ENOX1: variants seen among roughly 807,000 people sequenced by gnomAD.
ENOX1 encodes the protein ecto-NOX disulfide-thiol exchanger 1.
ENOX1 carries 42 observed loss-of-function variants against 82.5 expected under a neutral mutation model. The ratio of observed to expected loss-of-function variants is 0.51; its 90% CI spans 0.40 to 0.66. The LOEUF (loss-of-function observed/expected upper bound fraction) is 0.66. Among genes scored for constraint, ENOX1 ranks in the 30% least tolerant of loss-of-function variants. ENOX1 has a pLI of 0.00. For missense variants in ENOX1, 608 were observed against 811.6 expected (o/e 0.75, Z 3.05); for synonymous variants, 271 against 282.2 (o/e 0.96, Z 0.40).
rs1566737571 is a variant in ENOX1, at chr13:43,667,790, CA to C, written c.-284-247del. Among the ~76,000 whole-genome samples, 3 of 152,158 alleles carry C rather than the reference CA, an allele frequency of 2.0e-5. No individual in the cohort carries two copies. The South Asian group carries it at 6.2e-4, about 32-fold the overall frequency. ...CAAAGCCTCCGAACTGTCAATCTTT[CA>C]AAGAGTATTTCTGCTTTAAAAGTAG... On this transcript the variant is annotated intron_variant, in intron 1 of 16. Transcript: ENST00000690772.
chr13:43,718,544 A>G (rs1160463222), intron 1 of ENOX1, among the ~76,000 whole-genome samples: 5 of 151,956 alleles, frequency 3.3e-5, no homozygotes. Flanking sequence ...TAAAAATTGA[A>G]ATTATTTAAA....
chr13:43,680,305 TCAA>T (rs1436583817), intron 1 of ENOX1, among the ~76,000 whole-genome samples: 1 of 152,170 alleles, frequency 6.6e-6, no homozygotes, highest in East Asian at 1.9e-4. Flanking sequence ...CAAATATTTT[TCAA>T]CAAGTACCTT....
At chr13:43,223,453 G>C (rs972584455) in intron 16 of ENOX1, among the ~76,000 whole-genome samples, 1 of 152,166 alleles carries the variant, frequency 6.6e-6, no homozygotes, top group Non-Finnish European at 1.5e-5. Flanking sequence ...ACTGCGGTGG[G>C]GTAGGAGTAC....
chr13:43,236,721 T>C lies in ENOX1; in HGVS notation c.1629A>G (p.Thr543=). ...HEDSNEINVL[T]VALVNQDREN... ...CTCGGTCTTGGTTGACTAATGCAAC[T>C]GTCAACACATTGATTTCCTATAAAG... Residue 543 remains threonine, a synonymous_variant, in exon 15 of 17, where the codon ACA becomes ACG. Transcript: ENST00000690772. 1 of 1,578,004 alleles carries C rather than the reference T, an allele frequency of 6.3e-7. No individual in the cohort carries two copies. The highest frequency in any genetic ancestry group is 8.5e-7 in the Non-Finnish European group (1 of 1,169,780).
At chr13:43,278,492 T>C (rs1246889139) in intron 12 of ENOX1, among the ~76,000 whole-genome samples, 1 of 152,264 alleles carries the variant, frequency 6.6e-6, no homozygotes, top group African/African-American at 2.4e-5. Context: ...AGAATTTTTA[T>C]GTTTAAAATT....
At chr13:43,306,509 G>A (rs2046873064) in intron 11 of ENOX1, among the ~76,000 whole-genome samples, 1 of 152,126 alleles carries the variant, frequency 6.6e-6, no homozygotes, top group Admixed American at 6.5e-5. Flanking sequence ...TGGCTTTCAG[G>A]AATTGTACCC....
intron 15 of ENOX1, among the ~76,000 whole-genome samples, chr13:43,232,687 C>T (rs995149583): frequency 2.6e-5 from 4 of 152,124 alleles, no homozygotes; most frequent in Non-Finnish European, 5.9e-5. Context: ...TTTGCCCAAT[C>T]ATTGTCAACC....
intron 2 of ENOX1, among the ~76,000 whole-genome samples, chr13:43,497,083 CT>C (rs1230427435): frequency 6.6e-6 from 1 of 152,104 alleles, no homozygotes; most frequent in Non-Finnish European, 1.5e-5. Context: ...AGAAATAGCA[CT>C]GATACTTTAC....
intron 2 of ENOX1, among the ~76,000 whole-genome samples, chr13:43,536,127 C>A (rs1401604323): frequency 1.3e-5 from 2 of 152,090 alleles, no homozygotes; most frequent in South Asian, 2.1e-4. Context: ...GGATTAAACC[C>A]AAATGATTAT....
chr13:43,417,335 A>C (rs2054685203), intron 3 of ENOX1, among the ~76,000 whole-genome samples: 1 of 152,160 alleles, frequency 6.6e-6, no homozygotes, highest in Non-Finnish European at 1.5e-5. Flanking sequence ...TGGTGATTCT[A>C]AAGTAAGCTC....
chr13:43,744,138 A>C (rs1481157146), intron 1 of ENOX1, among the ~76,000 whole-genome samples: 2 of 152,154 alleles, frequency 1.3e-5, no homozygotes, highest in Admixed American at 1.3e-4. Context: ...CACTCTCTCT[A>C]TCCTAGAAAC....
At chr13:43,273,225 T>C (rs1292487836) in intron 12 of ENOX1, among the ~76,000 whole-genome samples, 2 of 152,168 alleles carry the variant, frequency 1.3e-5, no homozygotes, top group Non-Finnish European at 2.9e-5. Flanking sequence ...TTTCATCACC[T>C]TCACAACCTC....
intron 5 of ENOX1, among the ~76,000 whole-genome samples, chr13:43,395,055 C>T (rs1039651205): frequency 1.3e-5 from 2 of 152,156 alleles, no homozygotes; most frequent in Non-Finnish European, 2.9e-5. Flanking sequence ...ATGGGAATAG[C>T]GTGACACATT....
At chr13:43,699,714 T>C (rs2153808116) in intron 1 of ENOX1, among the ~76,000 whole-genome samples, 1 of 152,360 alleles carries the variant, frequency 6.6e-6, no homozygotes, top group South Asian at 2.1e-4. Flanking sequence ...TGGTTAATAC[T>C]TGTGCAGAGA....
intron 5 of ENOX1, among the ~76,000 whole-genome samples, chr13:43,398,328 A>G (rs1263369805): frequency 6.6e-6 from 1 of 152,274 alleles, no homozygotes; most frequent in South Asian, 2.1e-4. Context: ...AGCATCAGAC[A>G]AGCTTCCCTA....
Position 43,688,942 on chromosome 13 carries a change from C to G in ENOX1, c.-284-21398G>C, listed in dbSNP as rs746440428. ...GTTAGGGTCATCTAAAATATACTAA[C>G]AGGCCACAAAAATCAGTGGCTTCAG... On this transcript the variant is annotated intron_variant, in intron 1 of 16. Transcript: ENST00000690772. Among the ~76,000 whole-genome samples the G allele has an allele frequency of 2.8e-4, 43 of 152,180 alleles. 1 individual carries two copies. Among genetic ancestry groups the G allele is most frequent in the Non-Finnish European group, 3.4e-4 (23 of 68,030 alleles).
chr13:43,263,418 C>T (rs568260960), intron 14 of ENOX1, among the ~76,000 whole-genome samples: 2 of 152,294 alleles, frequency 1.3e-5, no homozygotes, highest in East Asian at 1.9e-4. Context: ...ACAAAGCCTA[C>T]GTCATAGACT....
chr13:43,752,198 G>A (rs1217403490), intron 1 of ENOX1, among the ~76,000 whole-genome samples: 1 of 151,966 alleles, frequency 6.6e-6, no homozygotes, highest in East Asian at 1.9e-4. Context: ...CAGAATATCT[G>A]TTCAATTCAT....
At chr13:43,755,446 C>T (rs1448624281) in intron 1 of ENOX1, among the ~76,000 whole-genome samples, 4 of 152,152 alleles carry the variant, frequency 2.6e-5, no homozygotes, top group South Asian at 2.1e-4. Flanking sequence ...CTCATGTACC[C>T]GTGAAGCTCT....
Sources: gnomAD v4.1 joint callset for allele counts (sites outside exome capture counted in the v4.1 genomes callset) on GRCh38, gnomAD v4.1.1 for gene constraint, MANE v1.5 for transcripts, NCBI Gene and HGNC (gene_info 2026-07-23, HGNC 2026-07-21) for gene names.